PAPSS2: variants seen among roughly 807,000 people sequenced by gnomAD.
PAPSS2 encodes 3'-phosphoadenosine 5'-phosphosulfate synthase 2, also known as bifunctional 3'-phosphoadenosine 5'-phosphosulfate synthase 2.
A neutral mutation model predicts 66.5 loss-of-function variants in PAPSS2; 61 were observed. That is an observed-to-expected ratio of 0.92 (90% CI 0.75 to 1.14). The LOEUF (loss-of-function observed/expected upper bound fraction) is 1.14, where lower values mean the gene tolerates loss of function less well. PAPSS2 is among the 50% of genes most tolerant of loss of function. The pLI, the probability that PAPSS2 is intolerant of heterozygous loss-of-function variation, is 0.00. For missense variants in PAPSS2, 708 were observed against 789.6 expected (o/e 0.90, Z 1.24); for synonymous variants, 289 against 287.5 (o/e 1.01, Z -0.05).
At chr10:87,715,682 C>A in intron 6 of PAPSS2, 50 bp from the exon 7 acceptor site, 1 of 1,231,170 alleles carries the variant, frequency 8.1e-7, no homozygotes, top group Non-Finnish European at 1.2e-6. Flanking sequence ...GGCCAGATGC[C>A]TGGAAAACAG....
chr10:87,741,273 C>A lies in PAPSS2; in HGVS notation c.1125C>A (p.Asp375Glu). Residue 375 changes from aspartate to glutamate, a missense_variant, in exon 10 of 13, where the codon GAC becomes GAA. By Grantham distance (45) the Asp-to-Glu change is conservative. Coordinates refer to ENST00000456849, the MANE Select transcript of PAPSS2 (RefSeq NM_001015880.2). The stretch of plus-strand genomic sequence containing the variant: ...GTGGGGACTGGCTGGTTGGTGGAGA[C>A]CTTCAGGTGCTGGAGAAAATAAGAT... Reference protein sequence around the residue: ...MESGDWLVGGDLQVLEKIRWN... With the variant: ...MESGDWLVGGELQVLEKIRWN... 6.2e-7 allele frequency: 1 copy of A among 1,613,538 alleles called. No homozygotes were observed. Among genetic ancestry groups the A allele is most frequent in the Admixed American group, 1.7e-5 (1 of 60,022 alleles).
intron 1 of PAPSS2, among the ~76,000 whole-genome samples, chr10:87,661,578 C>T (rs1270495859): frequency 6.6e-6 from 1 of 152,028 alleles, no homozygotes; most frequent in East Asian, 1.9e-4. Flanking sequence ...GGGACTTTGT[C>T]AAGCATTAGA....
chr10:87,741,568 T>C (rs1217943685), intron 10 of PAPSS2, among the ~76,000 whole-genome samples, 198 bp downstream of exon 10: 1 of 152,170 alleles, frequency 6.6e-6, no homozygotes, highest in Non-Finnish European at 1.5e-5. Context: ...CTAATTTTTG[T>C]ATTTTTAGTA....
At chr10:87,734,703 A>ATATATATATATATG (rs574455849) in intron 9 of PAPSS2, among the ~76,000 whole-genome samples, 5 of 111,714 alleles carry the variant, frequency 4.5e-5, no homozygotes, top group East Asian at 4.1e-4. Flanking sequence ...ATATATATAT[A>ATATATATATATATG]TATGTATGTA....
At chr10:87,741,502 C>T in intron 10 of PAPSS2, 132 bp downstream of exon 10, 1 of 765,964 alleles carries the variant, frequency 1.3e-6, no homozygotes, top group East Asian at 2.9e-5. Context: ...TCAAGTAATT[C>T]TCCTGCCTCA....
At chr10:87,670,576 G>GCACACACA (rs3221014) in intron 1 of PAPSS2, among the ~76,000 whole-genome samples, 9,819 of 149,652 alleles carry the variant, frequency 0.066, 548 homozygotes, top group East Asian at 0.29. Flanking sequence ...AAAAGATGGA[G>GCACACACA]CACACACACA....
chr10:87,730,665 G>T (rs1405665695), intron 9 of PAPSS2, among the ~76,000 whole-genome samples: 3 of 152,168 alleles, frequency 2.0e-5, no homozygotes, highest in Non-Finnish European at 2.9e-5. Context: ...CTATGTCAAA[G>T]AAATATATTT....
chr10:87,695,144 A>ACC (rs745360015), intron 1 of PAPSS2, among the ~76,000 whole-genome samples: 1 of 106,652 alleles, frequency 9.4e-6, no homozygotes, highest in African/African-American at 4.5e-5. Context: ...GCTTATAAAA[A>ACC]ACAAAGTTAT....
At chr10:87,702,397 G>A (rs1268780818) in intron 1 of PAPSS2, among the ~76,000 whole-genome samples, 4 of 152,152 alleles carry the variant, frequency 2.6e-5, no homozygotes, top group African/African-American at 9.7e-5. Context: ...AGTCTCTATG[G>A]CTCCCAGGTT....
rs1853940090 is a variant in PAPSS2, at chr10:87,746,383, G to A, written c.*413G>A. On this transcript the variant is annotated 3_prime_UTR_variant, in exon 13 of 13. Transcript: ENST00000456849. ...TATCAGTTGTAAAATATATCAGATT[G>A]TGTCCTCTTCTGTACAATTGACAAA... 6.4e-6 allele frequency: 1 copy of A among 156,404 alleles called. No homozygotes were observed. Among genetic ancestry groups the A allele is most frequent in the South Asian group, 1.9e-4 (1 of 5,366 alleles). 9.7% of individuals were successfully genotyped at this position (156,404 alleles called of 1,614,324 possible).
intron 2 of PAPSS2, among the ~76,000 whole-genome samples, chr10:87,710,839 C>A (rs866317884): frequency 3.8e-4 from 58 of 151,970 alleles, no homozygotes; most frequent in African/African-American, 1.3e-3. Context: ...TGTCTCTCTA[C>A]TAAGAAGACA....
At chr10:87,711,488 G>A (rs1853461924) in intron 2 of PAPSS2, among the ~76,000 whole-genome samples, 1 of 152,200 alleles carries the variant, frequency 6.6e-6, no homozygotes, top group Middle Eastern at 3.2e-3. Context: ...GAACACACCA[G>A]AGATTCAGGA....
rs374912864 is a variant in PAPSS2 at position 87,745,884 on chromosome 10, G to A, written c.1774G>A (p.Glu592Lys). ...SGTRMRKLAR[E>K]GENPPDGFMA... Reference sequence around the variant, plus strand: ...AACTCGAATGAGGAAGCTCGCCCGGGAAGGAGAGAATCCCCCAGATGGCTT... The same window carrying A: ...AACTCGAATGAGGAAGCTCGCCCGGAAAGGAGAGAATCCCCCAGATGGCTT... Residue 592 changes from glutamate to lysine, a missense_variant, in exon 13 of 13, where the codon GAA (glutamate) becomes AAA (lysine). Coordinates refer to ENST00000456849, the MANE Select transcript of PAPSS2 (RefSeq NM_001015880.2). 87 of 1,613,966 alleles carry A rather than the reference G, an allele frequency of 5.4e-5. No individual in the cohort carries two copies. The highest frequency in any genetic ancestry group is 6.9e-5 in the Non-Finnish European group (81 of 1,179,966).
chr10:87,676,872 C>CAAAAAAAAAAAAAA (rs71019493), intron 1 of PAPSS2, among the ~76,000 whole-genome samples: 4 of 31,368 alleles, frequency 1.3e-4, no homozygotes, highest in African/African-American at 4.4e-4. Flanking sequence ...GACCCTGTCT[C>CAAAAAAAAAAAAAA]AAAAAAAAAA....
chr10:87,718,340 A>AT (rs1853556794), intron 7 of PAPSS2, among the ~76,000 whole-genome samples: 1 of 151,958 alleles, frequency 6.6e-6, no homozygotes, highest in African/African-American at 2.4e-5. Context: ...CAACCCATTG[A>AT]TTTTCTATTT....
rs1480025050 is a variant in PAPSS2 at position 87,744,881 on chromosome 10, C to G, written c.1492-121C>G. ...TCTTAGAACCTCAGTGATTTTCTTGCAATTCTTAGTTGACTCACATTGCTG... is the reference window on the plus strand; with the variant it reads ...TCTTAGAACCTCAGTGATTTTCTTGGAATTCTTAGTTGACTCACATTGCTG... On this transcript the variant is annotated intron_variant, in intron 11 of 12. Transcript: ENST00000456849. 6.1e-6 allele frequency: 5 copies of G among 825,514 alleles called. No homozygotes were observed. The South Asian group carries it at 7.3e-5, about 12-fold the overall frequency. 51.1% of individuals were successfully genotyped at this position (825,514 alleles called of 1,614,324 possible). A position where few individuals can be genotyped will look rare whatever the true frequency, so the allele number is the denominator to read the frequency against.
At chr10:87,674,726 CAGAT>C (rs1261518767) in intron 1 of PAPSS2, among the ~76,000 whole-genome samples, 1 of 152,116 alleles carries the variant, frequency 6.6e-6, no homozygotes, top group Non-Finnish European at 1.5e-5. Context: ...TCTACCTAGA[CAGAT>C]AGTTCTTGTT....
intron 1 of PAPSS2, among the ~76,000 whole-genome samples, chr10:87,679,425 G>T (rs1480512945): frequency 6.6e-6 from 1 of 152,240 alleles, no homozygotes; most frequent in Non-Finnish European, 1.5e-5. Context: ...GTAGCTGGAA[G>T]TGAGGACTGG....
rs550013209 is a variant in PAPSS2 at position 87,729,491 on chromosome 10, ATGT to A, written c.1086+2006_1086+2008del. 1.8e-4 allele frequency among the ~76,000 whole-genome samples: 28 copies of A among 152,152 alleles called. No homozygotes were observed. The East Asian group carries it at 4.8e-3, about 26-fold the overall frequency. On this transcript the variant is annotated intron_variant, in intron 9 of 12. Transcript: ENST00000456849. ...ATATGATGGCAGACTTAATTGATAA[ATGT>A]TGTGTGTGTTCTGCCTTCTCCACTC...
Sources: allele counts gnomAD v4.1 joint callset (sites outside exome capture counted in the v4.1 genomes callset), GRCh38; gene constraint gnomAD v4.1.1; transcripts MANE v1.5; gene names NCBI Gene and HGNC (gene_info 2026-07-23, HGNC 2026-07-21).